ROBO2: variants seen among roughly 807,000 people sequenced by gnomAD.
ROBO2 encodes roundabout guidance receptor 2.
In ROBO2, 53 loss-of-function variants were observed where a neutral mutation model predicts 160.8. The ratio of observed to expected loss-of-function variants is 0.33; its 90% CI spans 0.26 to 0.41. ROBO2 has a LOEUF of 0.41. ROBO2 is among the 10% of genes least tolerant of loss of function. ROBO2 has a pLI of 1.00. For synonymous variants in ROBO2, 664 were observed against 611.7 expected, an observed-to-expected ratio of 1.09 and a Z score of -1.26; for missense variants, 1,577 against 1,722.4, an observed-to-expected ratio of 0.92 and a Z score of 1.49.
At chr3:76,051,631 A>G (rs2067656215) in intron 2 of ROBO2, among the ~76,000 whole-genome samples, 1 of 152,122 alleles carries the variant, frequency 6.6e-6, no homozygotes, top group Non-Finnish European at 1.5e-5. Context: ...TTTACAAATA[A>G]TACATATTTG....
At chr3:77,229,676 A>G (rs1406909067) in intron 2 of ROBO2, among the ~76,000 whole-genome samples, 2 of 151,238 alleles carry the variant, frequency 1.3e-5, no homozygotes, top group Admixed American at 1.3e-4. Context: ...AAAAAAAAAA[A>G]AAGAGAGAGA....
intron 2 of ROBO2, among the ~76,000 whole-genome samples, chr3:76,792,069 G>A (rs2063386661): frequency 1.3e-5 from 2 of 151,836 alleles, no homozygotes; most frequent in African/African-American, 2.4e-5. Context: ...AGGAGACAAT[G>A]TTGATTTATT....
intron 2 of ROBO2, among the ~76,000 whole-genome samples, chr3:76,403,224 T>C (rs2077943365): frequency 6.6e-6 from 1 of 151,506 alleles, no homozygotes; most frequent in Non-Finnish European, 1.5e-5. Context: ...ATAGAAGGAG[T>C]ATCTCAAGAG....
intron 2 of ROBO2, among the ~76,000 whole-genome samples, chr3:77,248,455 A>T (rs1032393310): frequency 2.0e-5 from 3 of 152,170 alleles, no homozygotes; most frequent in Non-Finnish European, 2.9e-5. Flanking sequence ...TGAGCTGCTA[A>T]CACTGAAGCC....
chr3:77,282,959 T>TA (rs369332218), intron 2 of ROBO2, among the ~76,000 whole-genome samples: 30,667 of 148,636 alleles, frequency 0.21, 3,948 homozygotes, highest in Non-Finnish European at 0.29. Context: ...GCTTCTGCTT[T>TA]TAAAAAAAAA....
chr3:77,488,526 T>G (rs1270530727), intron 4 of ROBO2, among the ~76,000 whole-genome samples: 2 of 152,222 alleles, frequency 1.3e-5, no homozygotes, highest in African/African-American at 2.4e-5. Flanking sequence ...AAGATTTTCA[T>G]GCATACTTAT....
intron 2 of ROBO2, among the ~76,000 whole-genome samples, chr3:76,723,258 A>G (rs1385617701): frequency 2.0e-5 from 3 of 152,190 alleles, no homozygotes; most frequent in Non-Finnish European, 4.4e-5. Flanking sequence ...GTAAGTTTCT[A>G]TCAACTGATT....
chr3:76,573,523 A>ATT (rs145929489), intron 2 of ROBO2, among the ~76,000 whole-genome samples: 29 of 136,846 alleles, frequency 2.1e-4, no homozygotes, highest in African/African-American at 6.4e-4. Flanking sequence ...ATAGTTTTCA[A>ATT]TTTTTTTTTT....
At chr3:76,883,939 G>C (rs2073621736) in intron 2 of ROBO2, among the ~76,000 whole-genome samples, 1 of 152,138 alleles carries the variant, frequency 6.6e-6, no homozygotes, top group South Asian at 2.1e-4. Context: ...ATAGACTCCA[G>C]CTGGTTTACA....
intron 2 of ROBO2, among the ~76,000 whole-genome samples, chr3:76,950,881 C>T (rs2078913054): frequency 6.6e-6 from 1 of 152,114 alleles, no homozygotes; most frequent in South Asian, 2.1e-4. Flanking sequence ...TGCACACCAC[C>T]ACACCGGGCT....
chr3:77,245,372 A>G (rs2151401777), intron 2 of ROBO2, among the ~76,000 whole-genome samples: 1 of 152,304 alleles, frequency 6.6e-6, no homozygotes, highest in East Asian at 1.9e-4. Flanking sequence ...GACATTGCCC[A>G]GTGACATTTG....
chr3:76,141,078 A>ATATATATATATATATATATAT (rs1559585714), intron 2 of ROBO2, among the ~76,000 whole-genome samples: 5 of 17,544 alleles, frequency 2.8e-4, no homozygotes, highest in African/African-American at 8.1e-4. Flanking sequence ...TATATATATA[A>ATATATATATATATATATATAT]AATATATGTG....
At chr3:77,182,487 G>C (rs2080880252) in intron 2 of ROBO2, among the ~76,000 whole-genome samples, 1 of 152,058 alleles carries the variant, frequency 6.6e-6, no homozygotes, top group Admixed American at 6.6e-5. Flanking sequence ...AATTAATTCT[G>C]TCTGAGATGG....
intron 2 of ROBO2, among the ~76,000 whole-genome samples, chr3:76,309,384 T>G (rs2071469926): frequency 6.6e-6 from 1 of 152,260 alleles, no homozygotes; most frequent in South Asian, 2.1e-4. Flanking sequence ...AATTGAAAGT[T>G]GAATACAGGG....
At position 75,917,499 on chromosome 3, in the gene ROBO2, G is replaced by A. The variant is rs145126622; in HGVS notation, c.-14+10539G>A. On this transcript the variant is annotated intron_variant, in intron 1 of 26. Coordinates refer to the ROBO2 transcript ENST00000487694. ...GTAAATAGTGCCACAATAAACATAC[G>A]TGTACATGTGTCTTTATAGCAGAAT... is the stretch of plus-strand genomic sequence containing the variant. Among the ~76,000 whole-genome samples the A allele has an allele frequency of 2.6e-4, 40 of 152,256 alleles. No homozygotes were observed. The East Asian group carries it at 6.4e-3, about 24-fold the overall frequency.
intron 2 of ROBO2, among the ~76,000 whole-genome samples, chr3:76,338,379 G>T (rs958114163): frequency 1.2e-4 from 19 of 152,060 alleles, no homozygotes; most frequent in Non-Finnish European, 1.6e-4. Flanking sequence ...TAGTCATATA[G>T]CAATTTGATG....
intron 2 of ROBO2, among the ~76,000 whole-genome samples, chr3:76,706,501 A>G (rs1402982713): frequency 6.6e-6 from 1 of 151,614 alleles, no homozygotes; most frequent in Non-Finnish European, 1.5e-5. Context: ...CTAACTCTCC[A>G]TTTTCACTCA....
chr3:77,538,740 A>C (rs906442476), intron 6 of ROBO2: 6 of 310,434 alleles, frequency 1.9e-5, no homozygotes, highest in Admixed American at 4.5e-5. Flanking sequence ...AAATTAAATA[A>C]GTTGAAGAAA....
chr3:76,875,626 T>C (rs921788116), intron 2 of ROBO2, among the ~76,000 whole-genome samples: 10 of 152,188 alleles, frequency 6.6e-5, no homozygotes, highest in Admixed American at 2.6e-4. Context: ...AACTCTATCA[T>C]ACTTCCTTTT....
Sources: gnomAD v4.1 joint callset for allele counts (sites outside exome capture counted in the v4.1 genomes callset) on GRCh38, gnomAD v4.1.1 for gene constraint, MANE v1.5 for transcripts, NCBI Gene and HGNC (gene_info 2026-07-23, HGNC 2026-07-21) for gene names.